The following ERG variants were observed in gnomAD, a reference collection of about 807,000 sequenced individuals.
The protein encoded by ERG is transcriptional regulator ERG.
In ERG, 9 loss-of-function variants were observed where a neutral mutation model predicts 55.3. The observed-to-expected ratio is 0.16, with a 90% confidence interval of 0.10 to 0.28. The LOEUF is 0.28. Ranked by LOEUF, ERG falls within the 10% of genes least tolerant of loss-of-function variation. The pLI, the probability that ERG is intolerant of heterozygous loss-of-function variation, is 1.00. For missense variants in ERG, 434 were observed against 631.6 expected (o/e 0.69, Z 3.35); for synonymous variants, 223 against 237.3 (o/e 0.94, Z 0.55).
At position 38,536,795 on chromosome 21, in the gene ERG, G is replaced by C. The variant is rs140219210; in HGVS notation, c.-41+38867C>G. Among the ~76,000 whole-genome samples, 13 of 152,320 alleles carry C rather than the reference G, an allele frequency of 8.5e-5. No individual in the cohort carries two copies. In the East Asian group the frequency reaches 2.5e-3, roughly 29 times the overall value. Reference sequence around the variant, plus strand: ...ATTTGGCTAAAAATATTTCAACACTGAAATTTCTTTTTGCAAGTTAAGTCT... The same window carrying C: ...ATTTGGCTAAAAATATTTCAACACTCAAATTTCTTTTTGCAAGTTAAGTCT... On this transcript the variant is annotated intron_variant, in intron 2 of 8. Transcript: ENST00000398897.
intron 1 of ERG, among the ~76,000 whole-genome samples, chr21:38,603,717 C>A (rs546277178): frequency 6.6e-6 from 1 of 151,928 alleles, no homozygotes; most frequent in Non-Finnish European, 1.5e-5. Flanking sequence ...AAGAAGGGCC[C>A]CCGATAAGGT....
At chr21:38,471,892 T>C (rs2146623830) in intron 1 of ERG, 1 of 152,324 alleles carries the variant, frequency 6.6e-6, no homozygotes, top group Admixed American at 6.5e-5. Context: ...TTAATTACTT[T>C]CAGGTTTTTC....
Position 38,445,489 on chromosome 21 carries a change from C to T in ERG, c.151G>A (p.Val51Ile), listed in dbSNP as rs200306085. The T allele has an allele frequency of 2.7e-5, 43 of 1,614,102 alleles. No individual in the cohort carries two copies. The highest frequency in any genetic ancestry group is 1.5e-4 in the Admixed American group (9 of 60,012). Reference protein sequence around the residue: ...YGQTSKMSPRVPQQDWLSQPP... With the variant: ...YGQTSKMSPRIPQQDWLSQPP... ...TGAGACAGCCAATCCTGCTGAGGGA[C>T]GCGTGGGCTCATCTTGGAAGTCTGT... Residue 51 changes from valine (V) to isoleucine (I), a missense_variant, in exon 2 of 10, where the codon GTC (valine) becomes ATC (isoleucine). Val to Ile is a conservative substitution (Grantham distance 29, BLOSUM62 3). Transcript: ENST00000288319.
In ERG at chr21:38,380,290, G is replaced by C; in HGVS notation, c.*3113C>G. 1 of 1,056,218 alleles carries C rather than the reference G, an allele frequency of 9.5e-7. No individual in the cohort carries two copies. Among genetic ancestry groups the C allele is most frequent in the Non-Finnish European group, 1.1e-6 (1 of 873,578 alleles). The allele number at this position is 1,056,218 out of a possible 1,614,324, so 65.4% of individuals were successfully genotyped here. On this transcript the variant is annotated 3_prime_UTR_variant, in exon 10 of 10. Coordinates refer to ENST00000288319, the MANE Select transcript of ERG (RefSeq NM_182918.4). ...GCAGCTCCTCCGGCTCCTGCTCCTG[G>C]GTTGCAGGTGCCACATCTGTGCAGA...
chr21:38,442,127 C>T (rs1391551213), intron 2 of ERG, among the ~76,000 whole-genome samples: 1 of 152,286 alleles, frequency 6.6e-6, no homozygotes, highest in Non-Finnish European at 1.5e-5. Context: ...ATGTCAAGGC[C>T]GGGCGCGGTG....
intron 1 of ERG, among the ~76,000 whole-genome samples, chr21:38,592,683 T>C (rs993826451): frequency 9.2e-5 from 14 of 152,224 alleles, no homozygotes; most frequent in Middle Eastern, 3.4e-3. Context: ...TAGACTCTTA[T>C]ACAATTCCCT....
chr21:38,658,791 T>C (rs1263054238), intron 1 of ERG, among the ~76,000 whole-genome samples: 7 of 152,222 alleles, frequency 4.6e-5, no homozygotes, highest in Admixed American at 3.9e-4. Flanking sequence ...TCTGATTTTA[T>C]AAGATTAAAA....
chr21:38,630,700 T>C (rs375146284), intron 1 of ERG, among the ~76,000 whole-genome samples: 2 of 152,156 alleles, frequency 1.3e-5, no homozygotes, highest in African/African-American at 2.4e-5. Context: ...CCTGCATAAG[T>C]TGAAAATCAC....
At chr21:38,572,365 C>CAAAAAAAAAAAAAAAA (rs758324053) in intron 2 of ERG, among the ~76,000 whole-genome samples, 2 of 66,988 alleles carry the variant, frequency 3.0e-5, no homozygotes, top group Non-Finnish European at 3.1e-5. Flanking sequence ...GAGACTCCAT[C>CAAAAAAAAAAAAAAAA]AAAAAAAAAA....
intron 2 of ERG, among the ~76,000 whole-genome samples, chr21:38,538,707 A>C (rs2059729460): frequency 6.6e-6 from 1 of 152,064 alleles, no homozygotes; most frequent in Non-Finnish European, 1.5e-5. Context: ...GCCAAACATG[A>C]CTGGCCAGCA....
chr21:38,646,369 G>A (rs2060456879), intron 1 of ERG, among the ~76,000 whole-genome samples: 1 of 151,156 alleles, frequency 6.6e-6, no homozygotes, highest in Non-Finnish European at 1.5e-5. Flanking sequence ...ATCTCTCCTA[G>A]AAGACAGGGC....
chr21:38,369,248 T>G, the ERG span, among the ~76,000 whole-genome samples: 1 of 152,254 alleles, frequency 6.6e-6, no homozygotes, highest in Non-Finnish European at 1.5e-5. Context: ...GTATAAGCAT[T>G]CCTTTTTATT....
intron 3 of ERG, among the ~76,000 whole-genome samples, chr21:38,407,747 A>G (rs1988840862): frequency 6.8e-6 from 1 of 147,188 alleles, no homozygotes; most frequent in Non-Finnish European, 1.5e-5. Context: ...ATTTTTTAAA[A>G]GTATAAAAAA....
chr21:38,380,672 T>C lies in ERG; in HGVS notation c.*2731A>G, dbSNP rs1475920479. 1 of 1,064,826 alleles carries C rather than the reference T, an allele frequency of 9.4e-7. No homozygotes were observed. The highest frequency in any genetic ancestry group is 5.0e-5 in the East Asian group (1 of 20,022). The allele number at this position is 1,064,826 out of a possible 1,614,324, so 66.0% of individuals were successfully genotyped here. A position where few individuals can be genotyped will look rare whatever the true frequency, so the allele number is the denominator to read the frequency against. Reference sequence around the variant, plus strand: ...TGCCATTTTGAAACAATTTAAGAATTATGTATTTGAAGGAACTCAGTATTA... The same window carrying C: ...TGCCATTTTGAAACAATTTAAGAATCATGTATTTGAAGGAACTCAGTATTA... On this transcript the variant is annotated 3_prime_UTR_variant, in exon 10 of 10. Transcript: ENST00000288319.
chr21:38,551,613 G>A (rs1045419523), intron 2 of ERG, among the ~76,000 whole-genome samples: 3 of 152,156 alleles, frequency 2.0e-5, no homozygotes, highest in Non-Finnish European at 4.4e-5. Context: ...TTACCCAAAA[G>A]TCATTCAGGA....
chr21:38,578,497 C>T (rs1467236544), intron 1 of ERG, among the ~76,000 whole-genome samples: 1 of 152,190 alleles, frequency 6.6e-6, no homozygotes, highest in African/African-American at 2.4e-5. Flanking sequence ...CTTCAGCCAA[C>T]AGGCAGTAGC....
intron 2 of ERG, among the ~76,000 whole-genome samples, chr21:38,547,132 G>A (rs1055780262): frequency 6.6e-6 from 1 of 152,122 alleles, no homozygotes; most frequent in African/African-American, 2.4e-5. Context: ...CCATTGGCCT[G>A]GTCTGCCCTA....
At chr21:38,469,952 C>G (rs1167310670) in intron 1 of ERG, among the ~76,000 whole-genome samples, 1 of 152,176 alleles carries the variant, frequency 6.6e-6, no homozygotes, top group Non-Finnish European at 1.5e-5. Context: ...ATCTATATTG[C>G]AAACAGATGT....
In ERG at chr21:38,636,134, AG is replaced by A. The variant is rs376005278; in HGVS notation, c.-150+25523del. On this transcript the variant is annotated intron_variant, in intron 1 of 10. Coordinates refer to the ERG transcript ENST00000398910. ...TCTGGGGCTTTTCCCCCTATTGATCAGCATTTCTCCTTCCTGCTGCCATGTG... is the reference window on the plus strand; with the variant it reads ...TCTGGGGCTTTTCCCCCTATTGATCACATTTCTCCTTCCTGCTGCCATGTG... Among the ~76,000 whole-genome samples, 475 of 152,338 alleles carry A rather than the reference AG, an allele frequency of 3.1e-3. 3 individuals are homozygous for A. Among genetic ancestry groups the A allele is most frequent in the Non-Finnish European group, 6.0e-3 (405 of 68,030 alleles).
Sources: allele counts gnomAD v4.1 joint callset (sites outside exome capture counted in the v4.1 genomes callset), GRCh38; gene constraint gnomAD v4.1.1; transcripts MANE v1.5; gene names NCBI Gene and HGNC (gene_info 2026-07-23, HGNC 2026-07-21).